The following RNF180 variants were observed in gnomAD, a reference collection of about 807,000 sequenced individuals.
The protein encoded by RNF180 is E3 ubiquitin-protein ligase RNF180.
A neutral mutation model predicts 59.2 loss-of-function variants in RNF180; 38 were observed. The ratio of observed to expected loss-of-function variants is 0.64; its 90% CI spans 0.50 to 0.84. The LOEUF (loss-of-function observed/expected upper bound fraction) is 0.84. Ranked by LOEUF, RNF180 falls within the 40% of genes least tolerant of loss-of-function variation. The pLI, the probability that RNF180 is intolerant of heterozygous loss-of-function variation, is 0.00. For synonymous variants in RNF180, 262 were observed against 240.3 expected (o/e 1.09, Z -0.84); for missense variants, 705 against 700.9 (o/e 1.01, Z -0.07).
Position 64,369,911 on chromosome 5 carries a change from C to A in RNF180, c.*97C>A. On this transcript the variant is annotated 3_prime_UTR_variant, in exon 8 of 8. Transcript: ENST00000389100. ...GTGCTTTGAAGTTTTTTTAATGTTG[C>A]ATTATACAAATTGTTGATGTTTATA... 1 of 634,874 alleles carries A rather than the reference C, an allele frequency of 1.6e-6. No homozygotes were observed. Among genetic ancestry groups the A allele is most frequent in the Non-Finnish European group, 2.5e-6 (1 of 394,844 alleles). The allele number at this position is 634,874 out of a possible 1,614,324, so 39.3% of individuals were successfully genotyped here. A position where few individuals can be genotyped will look rare whatever the true frequency, so the allele number is the denominator to read the frequency against.
chr5:64,309,485 T>C (rs1743644572), intron 5 of RNF180, among the ~76,000 whole-genome samples: 1 of 151,702 alleles, frequency 6.6e-6, no homozygotes, highest in South Asian at 2.1e-4. Flanking sequence ...GAAAATAGTT[T>C]GTCAGACTGT....
intron 5 of RNF180, among the ~76,000 whole-genome samples, chr5:64,218,861 AT>A (rs765030857): frequency 6.6e-6 from 1 of 152,126 alleles, no homozygotes; most frequent in Non-Finnish European, 1.5e-5. Context: ...ACAATTATAT[AT>A]TGCTAATGTT....
At chr5:64,305,397 C>G (rs16892609) in intron 5 of RNF180, among the ~76,000 whole-genome samples, 26,820 of 151,256 alleles carry the variant, frequency 0.18, 2,507 homozygotes, top group Middle Eastern at 0.27. Context: ...TGTTTGAAAC[C>G]AGATCATTTC....
At chr5:64,216,775 C>A (rs1327676584) in intron 4 of RNF180, among the ~76,000 whole-genome samples, 1 of 152,160 alleles carries the variant, frequency 6.6e-6, no homozygotes, top group Non-Finnish European at 1.5e-5. Context: ...AAAGACGTAG[C>A]ACTGAGCCAC....
chr5:64,325,211 A>G lies in RNF180; in HGVS notation c.1253A>G (p.Asp418Gly). Residue 418 changes from aspartate (D) to glycine (G), a missense_variant, in exon 6 of 8, where the codon GAT (aspartate) becomes GGT (glycine). Coordinates refer to ENST00000389100, the MANE Select transcript of RNF180 (RefSeq NM_001113561.2). ...ACTTTGAATAATGAGATGAGTACAG[A>G]TGAAGACAATGAATATGCAGAAGAA... ...HMTLNNEMST[D>G]EDNEYAEEKD... 6.4e-7 allele frequency: 1 copy of G among 1,551,008 alleles called. No individual in the cohort carries two copies. The highest frequency in any genetic ancestry group is 8.7e-7 in the Non-Finnish European group (1 of 1,146,266).
chr5:64,295,895 ATAT>A (rs1288971641), intron 5 of RNF180, among the ~76,000 whole-genome samples: 1 of 152,128 alleles, frequency 6.6e-6, no homozygotes, highest in Non-Finnish European at 1.5e-5. Context: ...GTTAAACATA[ATAT>A]TCATGATTCC....
intron 5 of RNF180, among the ~76,000 whole-genome samples, chr5:64,262,686 G>A (rs1393384642): frequency 1.3e-5 from 2 of 152,146 alleles, no homozygotes; most frequent in African/African-American, 4.8e-5. Flanking sequence ...TCATTCAAGA[G>A]ACTTTTCCCT....
chr5:64,202,349 C>G (rs902808410), intron 2 of RNF180, among the ~76,000 whole-genome samples: 1 of 152,140 alleles, frequency 6.6e-6, no homozygotes, highest in East Asian at 1.9e-4. Context: ...TTCTCCTGAG[C>G]TATGTGCCAT....
At chr5:64,248,484 C>T (rs539536075) in intron 5 of RNF180, among the ~76,000 whole-genome samples, 3 of 152,302 alleles carry the variant, frequency 2.0e-5, no homozygotes, top group South Asian at 4.1e-4. Flanking sequence ...AACAAATGTG[C>T]AGCCAACAAA....
At chr5:64,300,816 C>A (rs916755812) in intron 5 of RNF180, among the ~76,000 whole-genome samples, 12 of 151,764 alleles carry the variant, frequency 7.9e-5, no homozygotes, top group Admixed American at 6.6e-5. Context: ...AGTAAAGTGT[C>A]TCTCCATGTA....
chr5:64,249,838 G>C (rs1743448547), intron 5 of RNF180, among the ~76,000 whole-genome samples: 1 of 152,106 alleles, frequency 6.6e-6, no homozygotes, highest in African/African-American at 2.4e-5. Flanking sequence ...AATATTAACA[G>C]ATCAAGTGGG....
intron 7 of RNF180, among the ~76,000 whole-genome samples, chr5:64,367,410 A>C (rs545866140): frequency 6.6e-6 from 1 of 151,716 alleles, no homozygotes. Context: ...CAGTAAAAAA[A>C]GTTTTTAAAT....
intron 1 of RNF180, among the ~76,000 whole-genome samples, chr5:64,170,487 T>A: frequency 6.6e-6 from 1 of 152,204 alleles, no homozygotes; most frequent in East Asian, 1.9e-4. Context: ...TTAAGTTATG[T>A]AAAGATTTGG....
intron 7 of RNF180, among the ~76,000 whole-genome samples, chr5:64,353,269 G>GA (rs1385621063): frequency 6.6e-6 from 1 of 151,402 alleles, no homozygotes; most frequent in African/African-American, 2.4e-5. Context: ...CATTCATGTG[G>GA]AAAAAATCCT....
chr5:64,207,280 A>G (rs1315710697), intron 2 of RNF180, among the ~76,000 whole-genome samples: 5 of 152,160 alleles, frequency 3.3e-5, no homozygotes, highest in Non-Finnish European at 7.4e-5. Context: ...AGAGTAGGAT[A>G]TAGATAGAAT....
chr5:64,195,638 C>T (rs894969080), intron 1 of RNF180, among the ~76,000 whole-genome samples: 12 of 152,156 alleles, frequency 7.9e-5, no homozygotes, highest in Admixed American at 2.6e-4. Context: ...TTTCTGGCCA[C>T]AAAAACATCA....
intron 5 of RNF180, among the ~76,000 whole-genome samples, chr5:64,252,652 G>A (rs1743658761): frequency 6.6e-6 from 1 of 152,080 alleles, no homozygotes; most frequent in African/African-American, 2.4e-5. Flanking sequence ...AGATGGATGG[G>A]CATGAGGACA....
At chr5:64,235,199 C>T (rs1173854911) in intron 5 of RNF180, among the ~76,000 whole-genome samples, 1 of 152,130 alleles carries the variant, frequency 6.6e-6, no homozygotes, top group African/African-American at 2.4e-5. Context: ...GGGAGGGTCA[C>T]TTGAGCCTGG....
Position 64,369,767 on chromosome 5 carries a change from G to A in RNF180, c.1732G>A (p.Gly578Arg), listed in dbSNP as rs760692941. ...IYIYSVNWVI[G>R]FIVFCFLCYF... ...TATTTATTCAGTGAACTGGGTCATT[G>A]GATTCATTGTTTTCTGCTTTCTTTG... The change falls in exon 8 of 8, where the codon GGA becomes AGA. Residue 578 changes from glycine to arginine, a missense_variant. Coordinates refer to ENST00000389100, the MANE Select transcript of RNF180 (RefSeq NM_001113561.2). 58 of 1,528,418 alleles carry A rather than the reference G, an allele frequency of 3.8e-5. No individual in the cohort carries two copies. The highest frequency in any genetic ancestry group is 8.8e-7 in the Non-Finnish European group (1 of 1,138,916). The allele number at this position is 1,528,418 out of a possible 1,614,324, so 94.7% of individuals were successfully genotyped here.
Sources: gnomAD v4.1 joint callset for allele counts (sites outside exome capture counted in the v4.1 genomes callset) on GRCh38, gnomAD v4.1.1 for gene constraint, MANE v1.5 for transcripts, NCBI Gene and HGNC (gene_info 2026-07-23, HGNC 2026-07-21) for gene names.